MRPS27: variants seen among roughly 807,000 people sequenced by gnomAD.
MRPS27 encodes the protein small ribosomal subunit protein mS27.
MRPS27 carries 43 observed loss-of-function variants against 48.9 expected under a neutral mutation model. The ratio of observed to expected loss-of-function variants is 0.88; its 90% CI spans 0.69 to 1.13. The LOEUF (loss-of-function observed/expected upper bound fraction) is 1.13, where lower values mean the gene tolerates loss of function less well. Ranked by LOEUF, MRPS27 falls within the 50% of genes most tolerant of loss-of-function variation. MRPS27 has a pLI of 0.00. For missense variants in MRPS27, 467 were observed against 476.3 expected, an observed-to-expected ratio of 0.98 and a Z score of 0.18; for synonymous variants, 188 against 171.9, an observed-to-expected ratio of 1.09 and a Z score of -0.73.
chr5:72,300,639 T>C (rs1750103378), intron 2 of MRPS27, among the ~76,000 whole-genome samples: 1 of 152,188 alleles, frequency 6.6e-6, no homozygotes, highest in African/African-American at 2.4e-5. Context: ...ACCCCATTCT[T>C]TTCACACTCT....
At chr5:72,269,275 G>C (rs1164198180) in intron 4 of MRPS27, among the ~76,000 whole-genome samples, 1 of 152,144 alleles carries the variant, frequency 6.6e-6, no homozygotes, top group Non-Finnish European at 1.5e-5. Context: ...TGTTTTTCTT[G>C]CTTGCACAAA....
intron 4 of MRPS27, among the ~76,000 whole-genome samples, chr5:72,255,207 T>C (rs74915012): frequency 0.064 from 9,653 of 151,720 alleles, 551 homozygotes; most frequent in African/African-American, 0.15. Context: ...TGTGCCACCA[T>C]GTCCTGCTAA....
At chr5:72,316,669 G>A (rs2112094974) in intron 1 of MRPS27, among the ~76,000 whole-genome samples, 1 of 151,830 alleles carries the variant, frequency 6.6e-6, no homozygotes, top group South Asian at 2.1e-4. Context: ...TGCCTGGCCT[G>A]AATTGTGTAT....
intron 4 of MRPS27, among the ~76,000 whole-genome samples, chr5:72,281,176 C>T (rs1379409186): frequency 2.6e-5 from 4 of 152,088 alleles, no homozygotes; most frequent in Admixed American, 6.5e-5. Flanking sequence ...TTGCTTCTCC[C>T]GATGTTACAA....
intron 7 of MRPS27, among the ~76,000 whole-genome samples, chr5:72,231,356 C>T (rs1748060427): frequency 6.6e-6 from 1 of 152,112 alleles, no homozygotes. Flanking sequence ...AGAAATATTT[C>T]CTTAAGGAAG....
At chr5:72,238,247 AAGTCAAC>A (rs1748257072) in intron 4 of MRPS27, 119 bp from the exon 5 acceptor site, 6 of 643,470 alleles carry the variant, frequency 9.3e-6, no homozygotes, top group Non-Finnish European at 1.6e-5. Flanking sequence ...AAATTCATAA[AAGTCAAC>A]AGTTGATAAA....
intron 2 of MRPS27, among the ~76,000 whole-genome samples, chr5:72,311,508 A>G (rs766219100): frequency 2.8e-4 from 42 of 152,218 alleles, no homozygotes; most frequent in Non-Finnish European, 5.6e-4. Context: ...TGATGAATGA[A>G]TTAATCCATT....
At chr5:72,319,622 C>T (rs1277841109) in intron 1 of MRPS27, among the ~76,000 whole-genome samples, 1 of 146,476 alleles carries the variant, frequency 6.8e-6, no homozygotes, top group Non-Finnish European at 1.5e-5. Flanking sequence ...CTGCTCACTG[C>T]AACCTCCGCC....
At chr5:72,261,988 C>A (rs1271554592) in intron 4 of MRPS27, among the ~76,000 whole-genome samples, 1 of 152,176 alleles carries the variant, frequency 6.6e-6, no homozygotes, top group Non-Finnish European at 1.5e-5. Context: ...AGGATAAATG[C>A]AAATTACATG....
At chr5:72,315,094 G>GC (rs1385849470) in intron 1 of MRPS27, among the ~76,000 whole-genome samples, 1 of 152,176 alleles carries the variant, frequency 6.6e-6, no homozygotes, top group Non-Finnish European at 1.5e-5. Flanking sequence ...AGAATGAATG[G>GC]CAAGTTCATC....
Position 72,297,616 on chromosome 5 carries a change from G to A in MRPS27, c.222+16C>T. On this transcript the variant is annotated intron_variant, in intron 3 of 10. Coordinates refer to ENST00000261413, the MANE Select transcript of MRPS27 (RefSeq NM_015084.3). ...TTCCTTGTTCTTGGAAAATATATAT[G>A]TTAAAATTTTCTTACCCGTGATATT... The A allele has an allele frequency of 6.6e-7, 1 of 1,513,548 alleles. No homozygotes were observed. Among genetic ancestry groups the A allele is most frequent in the South Asian group, 1.2e-5 (1 of 84,794 alleles). The allele number at this position is 1,513,548 out of a possible 1,614,324, so 93.8% of individuals were successfully genotyped here. A position where few individuals can be genotyped will look rare whatever the true frequency, so the allele number is the denominator to read the frequency against.
At chr5:72,252,042 A>T (rs1458961643) in intron 4 of MRPS27, among the ~76,000 whole-genome samples, 1 of 152,220 alleles carries the variant, frequency 6.6e-6, no homozygotes, top group Non-Finnish European at 1.5e-5. Flanking sequence ...AAGCTAAGAG[A>T]ATATCTATGA....
chr5:72,317,056 A>G (rs925494201), intron 1 of MRPS27, among the ~76,000 whole-genome samples: 246 of 152,028 alleles, frequency 1.6e-3, no homozygotes, highest in Non-Finnish European at 2.5e-3. Flanking sequence ...AAACAGAAAA[A>G]ATGACAGATA....
intron 2 of MRPS27, among the ~76,000 whole-genome samples, chr5:72,298,781 A>G (rs1750053580): frequency 6.6e-6 from 1 of 151,980 alleles, no homozygotes; most frequent in Non-Finnish European, 1.5e-5. Context: ...TTAGGTACAT[A>G]CCGAAAATAA....
At chr5:72,241,816 G>A (rs987165593) in intron 4 of MRPS27, 1 of 817,360 alleles carries the variant, frequency 1.2e-6, no homozygotes, top group East Asian at 2.7e-5. Flanking sequence ...GCCAGCCACT[G>A]TAGGAGTCCC....
intron 4 of MRPS27, among the ~76,000 whole-genome samples, chr5:72,280,774 A>G (rs188500874): frequency 7.8e-4 from 119 of 152,374 alleles, no homozygotes; most frequent in African/African-American, 2.6e-3. Context: ...TATTGATTCA[A>G]TAACATCTTA....
chr5:72,242,252 C>T (rs778211731), intron 4 of MRPS27, among the ~76,000 whole-genome samples: 1 of 151,990 alleles, frequency 6.6e-6, no homozygotes, highest in Non-Finnish European at 1.5e-5. Flanking sequence ...AAAACTCAGG[C>T]CATACTCAGA....
chr5:72,247,609 T>C (rs1219964212), intron 4 of MRPS27, among the ~76,000 whole-genome samples: 3 of 152,192 alleles, frequency 2.0e-5, no homozygotes, highest in African/African-American at 7.2e-5. Context: ...TTAAGGTCCC[T>C]AAAGTACATT....
chr5:72,263,456 T>C (rs1224550457), intron 4 of MRPS27, among the ~76,000 whole-genome samples: 1 of 150,986 alleles, frequency 6.6e-6, no homozygotes, highest in East Asian at 1.9e-4. Context: ...ACTTTTTGCA[T>C]TAAATATTAT....
Sources: gnomAD v4.1 joint callset for allele counts (sites outside exome capture counted in the v4.1 genomes callset) on GRCh38, gnomAD v4.1.1 for gene constraint, MANE v1.5 for transcripts, NCBI Gene and HGNC (gene_info 2026-07-23, HGNC 2026-07-21) for gene names.